Variants in FGD6 observed in about 807,000 individuals in gnomAD.
The protein encoded by FGD6 is FYVE, RhoGEF and PH domain containing 6.
In FGD6, 90 loss-of-function variants were observed where a neutral mutation model predicts 149.4. That is an observed-to-expected ratio of 0.60 (90% CI 0.51 to 0.72). FGD6 has a LOEUF of 0.72. Ranked by LOEUF, FGD6 falls within the 30% of genes least tolerant of loss-of-function variation. The pLI is 0.00. For synonymous variants in FGD6, 527 were observed against 584.0 expected, an observed-to-expected ratio of 0.90 and a Z score of 1.41; for missense variants, 1,437 against 1,684.8, an observed-to-expected ratio of 0.85 and a Z score of 2.57.
chr12:95,092,348 G>C lies in FGD6; in HGVS notation c.3747+351C>G, dbSNP rs141955853. 8.1e-4 allele frequency among the ~76,000 whole-genome samples: 124 copies of C among 152,188 alleles called. 1 individual carries two copies. Among genetic ancestry groups the C allele is most frequent in the African/African-American group, 2.7e-3 (110 of 41,506 alleles). ...ATAACTTCAACACTGAACATTCCCC[G>C]TACTGAATACTATGGATACTTAGTA... On this transcript the variant is annotated intron_variant, in intron 16 of 20. Transcript: ENST00000343958.
At chr12:95,121,464 G>GATATATATATATATATGTATAT (rs1879184126) in intron 8 of FGD6, among the ~76,000 whole-genome samples, 1 of 71,334 alleles carries the variant, frequency 1.4e-5, no homozygotes, top group Non-Finnish European at 2.5e-5. Flanking sequence ...AAAAAAAAAA[G>GATATATATATATATATGTATAT]ATATATATAT....
chr12:95,106,272 CTTTTT>C (rs58785323), intron 13 of FGD6, among the ~76,000 whole-genome samples: 1 of 130,884 alleles, frequency 7.6e-6, no homozygotes. Context: ...TTTATTTGGG[CTTTTT>C]TTTTTTTTTT....
rs559603829 is a variant in FGD6 at position 95,139,436 on chromosome 12, T to C, written c.2838-1758A>G. ...GGCCTGGGCAAGAGGTGAAAATCTG[T>C]CTCAAAAAAAAAAAATCGGAAGCAA... is the stretch of plus-strand genomic sequence containing the variant. On this transcript the variant is annotated intron_variant, in intron 6 of 20. Coordinates refer to ENST00000343958, the MANE Select transcript of FGD6 (RefSeq NM_018351.4). Among the ~76,000 whole-genome samples the C allele has an allele frequency of 1.1e-3, 170 of 148,000 alleles. 3 individuals carry two copies. The South Asian group carries it at 0.036, about 31-fold the overall frequency.
At chr12:95,108,221 T>C in intron 11 of FGD6, 127 bp downstream of exon 11, 1 of 806,976 alleles carries the variant, frequency 1.2e-6, no homozygotes, top group Non-Finnish European at 2.0e-6. Flanking sequence ...TTTGAACGGA[T>C]AAAGTGATCA....
intron 2 of FGD6, among the ~76,000 whole-genome samples, chr12:95,188,069 C>T (rs957842657): frequency 6.6e-6 from 1 of 152,064 alleles, no homozygotes; most frequent in South Asian, 2.1e-4. Flanking sequence ...CCAAGGTGGC[C>T]GATGAATGAC....
chr12:95,131,316 TCAGG>T, intron 8 of FGD6, among the ~76,000 whole-genome samples: 1 of 151,850 alleles, frequency 6.6e-6, no homozygotes, highest in South Asian at 2.1e-4. Context: ...TCCATGTTGG[TCAGG>T]CTGGTCTCGA....
chr12:95,201,406 G>A lies in FGD6; in HGVS notation c.2441+7437C>T, dbSNP rs1460433983. The stretch of plus-strand genomic sequence containing the variant: ...TCACTGCTGTTTTATTACTGCCATA[G>A]TCTCATTTCCTATTACTTTCTATCA... On this transcript the variant is annotated intron_variant, in intron 2 of 20. Transcript: ENST00000343958. Among the ~76,000 whole-genome samples, 7 of 152,208 alleles carry A rather than the reference G, an allele frequency of 4.6e-5. No individual in the cohort carries two copies. The East Asian group carries it at 1.4e-3, about 29-fold the overall frequency.
At chr12:95,127,827 T>A (rs1303189433) in intron 8 of FGD6, among the ~76,000 whole-genome samples, 1 of 152,198 alleles carries the variant, frequency 6.6e-6, no homozygotes, top group Non-Finnish European at 1.5e-5. Flanking sequence ...GATCCACATT[T>A]AATCAAAGGA....
At chr12:95,194,276 C>A (rs985948012) in intron 2 of FGD6, among the ~76,000 whole-genome samples, 1 of 151,994 alleles carries the variant, frequency 6.6e-6, no homozygotes, top group Non-Finnish European at 1.5e-5. Context: ...ACTCTTGTTG[C>A]CCAGGCTGGA....
At chr12:95,115,041 A>C (rs1878965158) in intron 8 of FGD6, among the ~76,000 whole-genome samples, 1 of 152,156 alleles carries the variant, frequency 6.6e-6, no homozygotes, top group Non-Finnish European at 1.5e-5. Flanking sequence ...TTCTCTTACA[A>C]AATTTCCATT....
intron 2 of FGD6, among the ~76,000 whole-genome samples, chr12:95,173,651 A>C (rs1472936873): frequency 6.6e-6 from 1 of 152,198 alleles, no homozygotes; most frequent in Admixed American, 6.5e-5. Flanking sequence ...GGCTGGAAAG[A>C]TTCAGGAGCC....
chr12:95,160,855 ACT>A (rs1473313623), intron 3 of FGD6, among the ~76,000 whole-genome samples: 2 of 149,214 alleles, frequency 1.3e-5, no homozygotes, highest in South Asian at 4.3e-4. Context: ...CGAGAGCAAA[ACT>A]CTGTCTCAAA....
At position 95,095,770 on chromosome 12, in the gene FGD6, T is replaced by A. The variant is rs1248496154; in HGVS notation, c.3498-1076A>T. On this transcript the variant is annotated intron_variant, in intron 14 of 20. Coordinates refer to ENST00000343958, the MANE Select transcript of FGD6 (RefSeq NM_018351.4). ...GGCTCACGCCTGTAATCCCAACACT[T>A]TGGGAGGCTAAGGCGGGTGGATCAT... is the stretch of plus-strand genomic sequence containing the variant. 3.2e-4 allele frequency among the ~76,000 whole-genome samples: 48 copies of A among 151,994 alleles called. 1 individual carries two copies. The highest frequency in any genetic ancestry group is 3.1e-3 in the Admixed American group (48 of 15,260).
chr12:95,152,616 G>A (rs1880344058), intron 5 of FGD6, among the ~76,000 whole-genome samples, 195 bp downstream of exon 5: 1 of 152,170 alleles, frequency 6.6e-6, no homozygotes, highest in Admixed American at 6.5e-5. Flanking sequence ...AAACTGTTAT[G>A]AAGACATAAA....
intron 3 of FGD6, among the ~76,000 whole-genome samples, chr12:95,159,500 G>C (rs560836731): frequency 1.3e-5 from 2 of 152,100 alleles, no homozygotes; most frequent in Admixed American, 1.3e-4. Context: ...GAAAATATTC[G>C]CAAATCATGA....
chr12:95,098,635 C>T (rs1878318603), intron 14 of FGD6, among the ~76,000 whole-genome samples: 1 of 152,130 alleles, frequency 6.6e-6, no homozygotes, highest in South Asian at 2.1e-4. Flanking sequence ...TCCTCTTTGC[C>T]CCTCTGACTC....
At chr12:95,147,402 T>TTGGAAA (rs1880048681) in intron 5 of FGD6, among the ~76,000 whole-genome samples, 2 of 152,164 alleles carry the variant, frequency 1.3e-5, no homozygotes, top group African/African-American at 2.4e-5. Context: ...TTGAAAGCAA[T>TTGGAAA]CTTTTATGTC....
In FGD6 at chr12:95,149,247, TAGC is replaced by T. The variant is rs1565908935; in HGVS notation, c.2685+3561_2685+3563del. On this transcript the variant is annotated intron_variant, in intron 5 of 20. Transcript: ENST00000343958. ...TATAGCATATATATTATATAATATA[TAGC>T]ATATATATTATATATTATATTACAT... Among the ~76,000 whole-genome samples, 2 of 19,258 alleles carry T rather than the reference TAGC, an allele frequency of 1.0e-4. 1 individual carries two copies. Among genetic ancestry groups the T allele is most frequent in the African/African-American group, 6.4e-4 (2 of 3,110 alleles). The allele number at this position is 19,258 out of a possible 152,430, so 12.6% of individuals were successfully genotyped here. A position where few individuals can be genotyped will look rare whatever the true frequency, so the allele number is the denominator to read the frequency against.
chr12:95,134,407 C>T lies in FGD6; in HGVS notation c.3082+332G>A, dbSNP rs969864075. Among the ~76,000 whole-genome samples, 14 of 152,196 alleles carry T rather than the reference C, an allele frequency of 9.2e-5. 1 individual carries two copies. The South Asian group carries it at 2.3e-3, about 25-fold the overall frequency. The stretch of plus-strand genomic sequence containing the variant: ...ACTCCACTCTCGAGTAGTTGGGGAA[C>T]GTACCTTCTTGGAATTAATAATATT... On this transcript the variant is annotated intron_variant, in intron 8 of 20. Coordinates refer to ENST00000343958, the MANE Select transcript of FGD6 (RefSeq NM_018351.4).
Sources: allele counts gnomAD v4.1 joint callset (sites outside exome capture counted in the v4.1 genomes callset), GRCh38; gene constraint gnomAD v4.1.1; transcripts MANE v1.5; gene names NCBI Gene and HGNC (gene_info 2026-07-23, HGNC 2026-07-21).